The following CAMSAP1 variants were observed in gnomAD, a reference collection of about 807,000 sequenced individuals.
CAMSAP1 encodes calmodulin regulated spectrin associated protein 1.
CAMSAP1 carries 58 observed loss-of-function variants against 143.5 expected under a neutral mutation model. The observed-to-expected ratio is 0.40, with a 90% CI of 0.33 to 0.50. The LOEUF (loss-of-function observed/expected upper bound fraction) is 0.50. Among genes scored for constraint, CAMSAP1 ranks in the 20% least tolerant of loss-of-function variants. The pLI, the probability that CAMSAP1 is intolerant of heterozygous loss-of-function variation, is 0.45. For synonymous variants in CAMSAP1, 945 were observed against 859.3 expected (o/e 1.10, Z -1.74); for missense variants, 1,969 against 2,115.7 (o/e 0.93, Z 1.36).
In CAMSAP1 at chr9:135,886,679, C is replaced by T. The variant is rs373767952; in HGVS notation, c.161-3601G>A. 8.5e-5 allele frequency among the ~76,000 whole-genome samples: 13 copies of T among 152,282 alleles called. No homozygotes were observed. The South Asian group carries it at 2.5e-3, about 29-fold the overall frequency. On this transcript the variant is annotated intron_variant, in intron 1 of 16. Transcript: ENST00000389532. ...GACCACATCAAGTAAGGGGGTCAGA[C>T]AAGCCAGAGGACGAGGAGATCCCAT...
chr9:135,839,967 G>A (rs964105351), intron 7 of CAMSAP1, among the ~76,000 whole-genome samples: 6 of 152,196 alleles, frequency 3.9e-5, no homozygotes, highest in Admixed American at 2.6e-4. Flanking sequence ...GCAGCCAGAG[G>A]TAGGCAGGTA....
In CAMSAP1 at chr9:135,878,199, G is replaced by T. The variant is rs149410990; in HGVS notation, c.585+3434C>A. On this transcript the variant is annotated intron_variant, in intron 3 of 16. Coordinates refer to ENST00000389532, the MANE Select transcript of CAMSAP1 (RefSeq NM_015447.4). Reference sequence around the variant, plus strand: ...TAGGGACCCCGGCCAGGAGGAGACGGGTGAGCGGCCTGGAGCAGAGGTGAA... The same window carrying T: ...TAGGGACCCCGGCCAGGAGGAGACGTGTGAGCGGCCTGGAGCAGAGGTGAA... Among the ~76,000 whole-genome samples, 520 of 152,338 alleles carry T rather than the reference G, an allele frequency of 3.4e-3. 3 individuals carry two copies. Among genetic ancestry groups the T allele is most frequent in the Middle Eastern group, 0.014 (4 of 294 alleles).
chr9:135,850,054 A>G (rs1216469953), intron 7 of CAMSAP1, 83 bp downstream of exon 7: 1 of 1,127,420 alleles, frequency 8.9e-7, no homozygotes, highest in African/African-American at 1.6e-5. Context: ...TGTGCGAGAA[A>G]CATGGAACCA....
rs988333816 is a variant in CAMSAP1 at position 135,808,824 on chromosome 9, C to A, written c.*2485G>T. 20 of 152,238 alleles carry A rather than the reference C, an allele frequency of 1.3e-4. No individual in the cohort carries two copies. The highest frequency in any genetic ancestry group is 2.4e-4 in the Non-Finnish European group (16 of 68,042). The allele number at this position is 152,238 out of a possible 1,614,324, so 9.4% of individuals were successfully genotyped here. On this transcript the variant is annotated 3_prime_UTR_variant, in exon 17 of 17. Coordinates refer to ENST00000389532, the MANE Select transcript of CAMSAP1 (RefSeq NM_015447.4). ...TCATTTCTCTTTCAACCCTTCTGGG[C>A]TCCCAGAATTCTAGCATTACCAAGG...
At chr9:135,852,121 G>A (rs1247748338) in intron 5 of CAMSAP1, among the ~76,000 whole-genome samples, 1 of 152,148 alleles carries the variant, frequency 6.6e-6, no homozygotes, top group Non-Finnish European at 1.5e-5. Flanking sequence ...ACTTTTTCAT[G>A]GTTACTGGTC....
rs1487293360 is a variant in CAMSAP1 at position 135,853,872 on chromosome 9, T to C, written c.809-3411A>G. 5.3e-5 allele frequency among the ~76,000 whole-genome samples: 8 copies of C among 152,330 alleles called. No homozygotes were observed. The South Asian group carries it at 1.7e-3, about 32-fold the overall frequency. On this transcript the variant is annotated intron_variant, in intron 5 of 16. Transcript: ENST00000389532. ...AGCCTATGAGGTCCAATCAAGTCCCTATGAGGCCCAGAGCCACGATCAGAA... is the reference window on the plus strand; with the variant it reads ...AGCCTATGAGGTCCAATCAAGTCCCCATGAGGCCCAGAGCCACGATCAGAA...
intron 1 of CAMSAP1, among the ~76,000 whole-genome samples, chr9:135,893,505 T>A (rs1042938379): frequency 2.6e-5 from 4 of 152,100 alleles, no homozygotes; most frequent in Non-Finnish European, 4.4e-5. Flanking sequence ...AATGGGCTGA[T>A]GAATAGATTA....
At chr9:135,854,391 A>G (rs1836880517) in intron 5 of CAMSAP1, among the ~76,000 whole-genome samples, 1 of 152,222 alleles carries the variant, frequency 6.6e-6, no homozygotes, top group East Asian at 1.9e-4. Context: ...CTTTAAAACA[A>G]TAAGCTTTTA....
At position 135,822,678 on chromosome 9, in the gene CAMSAP1, G is replaced by A; in HGVS notation, c.1983C>T (p.Gly661=). Residue 661 remains glycine (G), a synonymous_variant, in exon 11 of 17, where the codon GGC becomes GGT. Coordinates refer to ENST00000389532, the MANE Select transcript of CAMSAP1 (RefSeq NM_015447.4). The surrounding 1 kb of genome is among the most constrained non-coding windows in gnomAD (Gnocchi z 6.1). ...GTGGTCCTGTCTCGGTGGGGTCGAT[G>A]CCCATGGGGAATTCTGAGCATGGAA... is the stretch of plus-strand genomic sequence containing the variant. ...TPIPCSEFPM[G]IDPTETGPLS... The A allele has an allele frequency of 6.2e-7, 1 of 1,604,852 alleles. No homozygotes were observed. The highest frequency in any genetic ancestry group is 8.5e-7 in the Non-Finnish European group (1 of 1,174,898).
intron 7 of CAMSAP1, among the ~76,000 whole-genome samples, chr9:135,830,550 G>C (rs1043488689): frequency 2.0e-5 from 3 of 152,196 alleles, no homozygotes; most frequent in Non-Finnish European, 4.4e-5. Context: ...AATATTGACA[G>C]ATCTCAAAGG....
chr9:135,811,432 T>C lies in CAMSAP1; in HGVS notation c.4686A>G (p.Arg1562=). 6.2e-7 allele frequency: 1 copy of C among 1,612,840 alleles called. No homozygotes were observed. The highest frequency in any genetic ancestry group is 8.5e-7 in the Non-Finnish European group (1 of 1,179,358). ...TGGCTGGGATCAAGTTAAACTGTTT[T>C]CGGTCTGAGCTGTATTTATACAGTT... The part of the protein sequence containing the change: ...IDKLYKYSSD[R]KQFNLIPAKT... The change falls in exon 17 of 17, where the codon CGA becomes CGG. Residue 1562 remains arginine (R), a synonymous_variant. Coordinates refer to ENST00000389532, the MANE Select transcript of CAMSAP1 (RefSeq NM_015447.4). The surrounding 1 kb of genome is among the most constrained non-coding windows in gnomAD (Gnocchi z 4.9).
intron 3 of CAMSAP1, among the ~76,000 whole-genome samples, chr9:135,867,469 A>ACCTC (rs1554796472): frequency 1.6e-5 from 2 of 123,606 alleles, no homozygotes; most frequent in Non-Finnish European, 3.7e-5. Context: ...ACACAGCAAG[A>ACCTC]CCCCCCTCTT....
At chr9:135,866,236 C>CAAT in intron 4 of CAMSAP1, 1 of 511,036 alleles carries the variant, frequency 2.0e-6, no homozygotes, top group Non-Finnish European at 3.6e-6. Flanking sequence ...CCATAAAGTG[C>CAAT]AATACAAAAC....
chr9:135,819,242 A>G (rs1835352619), intron 11 of CAMSAP1, 96 bp from the exon 12 acceptor site: 3 of 1,436,516 alleles, frequency 2.1e-6, no homozygotes, highest in Non-Finnish European at 2.8e-6. Context: ...CTACGCTTTT[A>G]AAAGTTTAAC....
At chr9:135,843,252 G>A (rs893866810) in intron 7 of CAMSAP1, among the ~76,000 whole-genome samples, 6 of 152,064 alleles carry the variant, frequency 3.9e-5, no homozygotes, top group African/African-American at 7.2e-5. Context: ...GCTTGAACCC[G>A]GGAGGCAGAG....
intron 7 of CAMSAP1, among the ~76,000 whole-genome samples, chr9:135,841,415 G>A (rs112127348): frequency 6.6e-6 from 1 of 152,194 alleles, no homozygotes; most frequent in African/African-American, 2.4e-5. Context: ...GGGTGGCTAT[G>A]GGCATAGCCT....
At position 135,850,429 on chromosome 9, in the gene CAMSAP1, C is replaced by T. The variant is rs754241814; in HGVS notation, c.841G>A (p.Asp281Asn). 8 of 1,599,424 alleles carry T rather than the reference C, an allele frequency of 5.0e-6. No homozygotes were observed. The highest frequency in any genetic ancestry group is 4.1e-5 in the African/African-American group (3 of 73,952). Reference sequence around the variant, plus strand: ...AGAAGCCGAATATTATACAGACTGTCGGCCATCGACGTTACCTCCTTTAAG... The same window carrying T: ...AGAAGCCGAATATTATACAGACTGTTGGCCATCGACGTTACCTCCTTTAAG... ...ICLKEVTSMADSLYNIRLLRE... is the reference protein window; with the variant it reads ...ICLKEVTSMANSLYNIRLLRE... Residue 281 changes from aspartate to asparagine, a missense_variant, in exon 6 of 17, where the codon GAC becomes AAC. Coordinates refer to ENST00000389532, the MANE Select transcript of CAMSAP1 (RefSeq NM_015447.4).
intron 1 of CAMSAP1, among the ~76,000 whole-genome samples, chr9:135,883,599 C>A (rs1838029320): frequency 1.3e-5 from 2 of 152,204 alleles, no homozygotes; most frequent in African/African-American, 4.8e-5. Flanking sequence ...GGTGAACACC[C>A]ATGGTCTTTA....
intron 7 of CAMSAP1, among the ~76,000 whole-genome samples, chr9:135,829,832 G>T (rs543222036): frequency 2.0e-5 from 3 of 148,870 alleles, no homozygotes; most frequent in African/African-American, 7.4e-5. Context: ...CAGCCTGGGC[G>T]ACAGAGCGAG....
Sources: gnomAD v4.1 joint callset for allele counts (sites outside exome capture counted in the v4.1 genomes callset) on GRCh38, gnomAD v4.1.1 for gene constraint, Gnocchi (gnomAD v3.1) non-coding constraint, MANE v1.5 for transcripts, NCBI Gene and HGNC (gene_info 2026-07-23, HGNC 2026-07-21) for gene names.